The following SNTG1 variants were observed in gnomAD, a reference collection of about 807,000 sequenced individuals.
The protein encoded by SNTG1 is gamma-1-syntrophin.
A neutral mutation model predicts 74.7 loss-of-function variants in SNTG1; 39 were observed. The observed-to-expected ratio is 0.52, with a 90% CI of 0.40 to 0.68. SNTG1 has a LOEUF of 0.68. Ranked by LOEUF, SNTG1 falls within the 30% of genes least tolerant of loss-of-function variation. The pLI is 0.00. For missense variants in SNTG1, 685 were observed against 609.5 expected (o/e 1.12, Z -1.30); for synonymous variants, 254 against 217.1 (o/e 1.17, Z -1.49).
intron 8 of SNTG1, among the ~76,000 whole-genome samples, chr8:50,486,143 C>G (rs200799475): frequency 3.0e-3 from 403 of 136,036 alleles, no homozygotes; most frequent in Non-Finnish European, 3.1e-3. Context: ...CTCTTTTTTG[C>G]TTCCACATGA....
intron 18 of SNTG1, among the ~76,000 whole-genome samples, chr8:50,765,738 A>AAGTT (rs1213126957): frequency 2.0e-5 from 3 of 151,992 alleles, no homozygotes; most frequent in Admixed American, 2.0e-4. Context: ...AATATTTTTA[A>AAGTT]AGTTGACAGT....
At chr8:50,157,910 G>T (rs892149743) in intron 1 of SNTG1, among the ~76,000 whole-genome samples, 2 of 152,244 alleles carry the variant, frequency 1.3e-5, no homozygotes, top group African/African-American at 2.4e-5. Flanking sequence ...CTAAAGAAAT[G>T]TTCATTGACA....
At chr8:50,491,920 G>A (rs2093859519) in intron 8 of SNTG1, among the ~76,000 whole-genome samples, 1 of 123,974 alleles carries the variant, frequency 8.1e-6, no homozygotes, top group African/African-American at 2.9e-5. Flanking sequence ...AGTGTGTGAT[G>A]TTCCCCTTCC....
At chr8:50,453,017 A>G (rs2093471011) in intron 8 of SNTG1, among the ~76,000 whole-genome samples, 1 of 152,222 alleles carries the variant, frequency 6.6e-6, no homozygotes, top group African/African-American at 2.4e-5. Flanking sequence ...CCAAATTCAG[A>G]AACAAATTGG....
intron 15 of SNTG1, among the ~76,000 whole-genome samples, chr8:50,678,821 A>G (rs549122811): frequency 6.6e-6 from 1 of 152,198 alleles, no homozygotes; most frequent in African/African-American, 2.4e-5. Context: ...AAAATTTTTT[A>G]TAGTGTTCCA....
chr8:50,027,026 T>C (rs1259877343), intron 1 of SNTG1, among the ~76,000 whole-genome samples: 1 of 152,156 alleles, frequency 6.6e-6, no homozygotes, highest in Non-Finnish European at 1.5e-5. Flanking sequence ...TCCTTCCTTC[T>C]AGCTGGCCAC....
rs2131882436 is a variant in SNTG1 at position 50,794,393 on chromosome 8, A to C, written c.*1564A>C. Reference sequence around the variant, plus strand: ...TAAATACATCAAATTGAAAAGAAAAAGTGAGGGTTTATAATTGTCCCTGGG... The same window carrying C: ...TAAATACATCAAATTGAAAAGAAAACGTGAGGGTTTATAATTGTCCCTGGG... On this transcript the variant is annotated 3_prime_UTR_variant, in exon 19 of 19. Coordinates refer to ENST00000642720, the MANE Select transcript of SNTG1 (RefSeq NM_018967.5). The C allele has an allele frequency of 6.6e-6, 1 of 152,104 alleles. No homozygotes were observed. The highest frequency in any genetic ancestry group is 1.9e-4 in the East Asian group (1 of 5,174). 9.4% of individuals were successfully genotyped at this position (152,104 alleles called of 1,614,324 possible). A position where few individuals can be genotyped will look rare whatever the true frequency, so the allele number is the denominator to read the frequency against.
At chr8:49,974,748 G>C (rs1422947103) in intron 1 of SNTG1, among the ~76,000 whole-genome samples, 1 of 152,100 alleles carries the variant, frequency 6.6e-6, no homozygotes, top group Non-Finnish European at 1.5e-5. Flanking sequence ...AGAAGCTTAA[G>C]AAAAATTGCA....
At chr8:50,437,413 G>A (rs999160727) in intron 4 of SNTG1, among the ~76,000 whole-genome samples, 2 of 152,104 alleles carry the variant, frequency 1.3e-5, no homozygotes, top group African/African-American at 4.8e-5. Flanking sequence ...TTGCCAAAAT[G>A]AAGAGTCTTA....
At chr8:50,088,418 G>A (rs1586214241) in intron 1 of SNTG1, among the ~76,000 whole-genome samples, 1 of 129,942 alleles carries the variant, frequency 7.7e-6, no homozygotes, top group Non-Finnish European at 1.7e-5. Flanking sequence ...AATTAGGCAG[G>A]AGAAGGAAAT....
At chr8:49,992,098 A>G (rs534190838) in intron 1 of SNTG1, among the ~76,000 whole-genome samples, 2 of 152,162 alleles carry the variant, frequency 1.3e-5, no homozygotes, top group Non-Finnish European at 2.9e-5. Context: ...ACTGGAACAC[A>G]CTGGAAACTT....
intron 1 of SNTG1, among the ~76,000 whole-genome samples, chr8:50,087,620 G>C (rs1823017490): frequency 6.6e-6 from 1 of 152,118 alleles, no homozygotes; most frequent in East Asian, 1.9e-4. Flanking sequence ...AGTTCTGTGT[G>C]TATGCTTAAT....
At chr8:50,431,464 C>G (rs888526263) in intron 4 of SNTG1, among the ~76,000 whole-genome samples, 5 of 152,116 alleles carry the variant, frequency 3.3e-5, no homozygotes, top group Admixed American at 2.6e-4. Context: ...TCTTATTTGG[C>G]TATTTATACT....
intron 8 of SNTG1, among the ~76,000 whole-genome samples, chr8:50,471,543 AAG>A (rs1224826151): frequency 6.6e-6 from 1 of 152,196 alleles, no homozygotes; most frequent in Non-Finnish European, 1.5e-5. Flanking sequence ...GCCACTGTGG[AAG>A]GCAGTTTGAC....
At chr8:50,463,886 G>T (rs748202766) in intron 8 of SNTG1, among the ~76,000 whole-genome samples, 2 of 152,170 alleles carry the variant, frequency 1.3e-5, no homozygotes, top group Non-Finnish European at 2.9e-5. Flanking sequence ...GTGAAAAATT[G>T]CTCTTTGGTG....
chr8:50,040,638 G>A (rs933278197), intron 1 of SNTG1, among the ~76,000 whole-genome samples: 4 of 152,086 alleles, frequency 2.6e-5, no homozygotes, highest in Non-Finnish European at 5.9e-5. Context: ...AAAGACAAAG[G>A]GAAGGAGATG....
At position 50,509,144 on chromosome 8, in the gene SNTG1, G is replaced by A. The variant is rs542902060; in HGVS notation, c.466+6264G>A. Among the ~76,000 whole-genome samples, 563 of 152,292 alleles carry A rather than the reference G, an allele frequency of 3.7e-3. 6 individuals carry two copies. The highest frequency in any genetic ancestry group is 0.012 in the African/African-American group (506 of 41,582). On this transcript the variant is annotated intron_variant, in intron 9 of 18. Transcript: ENST00000642720. The stretch of plus-strand genomic sequence containing the variant: ...AGTTTCAGCTTTCTACATATGGCTA[G>A]CCAGTTCTCCCAGCACCATTTATTA...
chr8:50,632,434 C>T (rs12679674), intron 13 of SNTG1, among the ~76,000 whole-genome samples: 29,020 of 151,838 alleles, frequency 0.19, 5,813 homozygotes, highest in African/African-American at 0.5. Context: ...TCTCAGAATC[C>T]TGAGTAGTTG....
At chr8:50,373,616 T>C (rs1012177440) in intron 2 of SNTG1, among the ~76,000 whole-genome samples, 5 of 152,222 alleles carry the variant, frequency 3.3e-5, no homozygotes, top group Admixed American at 1.3e-4. Flanking sequence ...AAACAGTAGA[T>C]GGGAAACTCA....
Sources: allele counts gnomAD v4.1 joint callset (sites outside exome capture counted in the v4.1 genomes callset), GRCh38; gene constraint gnomAD v4.1.1; transcripts MANE v1.5; gene names NCBI Gene and HGNC (gene_info 2026-07-23, HGNC 2026-07-21).